Variants in ATPAF1 observed in about 807,000 individuals in gnomAD.
ATPAF1 encodes ATP synthase mitochondrial F1 complex assembly factor 1, also known as homolog of yeast ATP11.
A neutral mutation model predicts 43.9 loss-of-function variants in ATPAF1; 26 were observed. That is an observed-to-expected ratio of 0.59 (90% CI 0.43 to 0.82). The LOEUF (loss-of-function observed/expected upper bound fraction) is 0.82. Among genes scored for constraint, ATPAF1 ranks in the 40% least tolerant of loss-of-function variants. The pLI is 0.00. For missense variants in ATPAF1, 366 were observed against 435.0 expected (o/e 0.84, Z 1.41); for synonymous variants, 157 against 168.0 (o/e 0.93, Z 0.50).
chr1:46,657,743 A>G (rs1254892692), intron 4 of ATPAF1, among the ~76,000 whole-genome samples: 2 of 152,166 alleles, frequency 1.3e-5, no homozygotes, highest in Admixed American at 6.5e-5. Context: ...TTAAACCAAT[A>G]CACTATACTT....
chr1:46,646,003 C>T (rs1483302251), intron 6 of ATPAF1, among the ~76,000 whole-genome samples: 1 of 151,862 alleles, frequency 6.6e-6, no homozygotes, highest in Non-Finnish European at 1.5e-5. Flanking sequence ...AGTGAGACCC[C>T]GTCACTACAA....
intron 2 of ATPAF1, chr1:46,663,999 AAG>A: frequency 1.1e-6 from 1 of 899,178 alleles, no homozygotes. Flanking sequence ...TAAAAGATGA[AAG>A]AGAATAAAAA....
intron 1 of ATPAF1, among the ~76,000 whole-genome samples, chr1:46,667,458 G>A (rs1676510158): frequency 6.6e-6 from 1 of 152,184 alleles, no homozygotes; most frequent in African/African-American, 2.4e-5. Flanking sequence ...GAAGCTAAGA[G>A]GTGGTGTTAG....
intron 8 of ATPAF1, among the ~76,000 whole-genome samples, chr1:46,641,137 G>C (rs1675942311): frequency 6.6e-6 from 1 of 152,020 alleles, no homozygotes; most frequent in Non-Finnish European, 1.5e-5. Flanking sequence ...GAGTGCAATG[G>C]TGCAATCTCA....
At chr1:46,635,728 G>T in exon 9 of ATPAF1, 1 of 1,550,182 alleles carries the variant, frequency 6.5e-7, no homozygotes, top group South Asian at 1.2e-5. Context: ...GTGGGCTCTA[G>T]ACTATCGAGG....
At chr1:46,658,489 A>G (rs889290580) in intron 3 of ATPAF1, among the ~76,000 whole-genome samples, 198 bp downstream of exon 3, 1 of 151,612 alleles carries the variant, frequency 6.6e-6, no homozygotes, top group African/African-American at 2.4e-5. Flanking sequence ...TTTGGTTGTT[A>G]TTTTTAATTA....
intron 8 of ATPAF1, among the ~76,000 whole-genome samples, chr1:46,639,863 T>C (rs1020531372): frequency 6.6e-6 from 1 of 152,178 alleles, no homozygotes; most frequent in African/African-American, 2.4e-5. Context: ...ATTTTAACAA[T>C]GATGAGAACT....
intron 6 of ATPAF1, 64 bp downstream of exon 6, chr1:46,652,516 TG>T (rs1005635258): frequency 1.1e-5 from 17 of 1,506,504 alleles, no homozygotes; most frequent in Non-Finnish European, 1.6e-5. Context: ...TATGACGTGA[TG>T]GGCTGGAAAA....
chr1:46,633,518 A>G, downstream of ATPAF1: 1 of 350,038 alleles, frequency 2.9e-6, no homozygotes, highest in Admixed American at 4.3e-5. Context: ...ACTTAACTCT[A>G]AAGCCTGTCC....
chr1:46,647,428 A>C (rs1161042312), intron 6 of ATPAF1, among the ~76,000 whole-genome samples: 2 of 152,164 alleles, frequency 1.3e-5, no homozygotes, highest in Non-Finnish European at 2.9e-5. Flanking sequence ...TTCACAGAAC[A>C]CCATGTTGTT....
At chr1:46,638,658 C>T (rs541983598) in intron 8 of ATPAF1, among the ~76,000 whole-genome samples, 105 of 151,374 alleles carry the variant, frequency 6.9e-4, no homozygotes, top group Middle Eastern at 3.4e-3. Flanking sequence ...ACCACTAGTA[C>T]AGTGAGTAGG....
intron 6 of ATPAF1, among the ~76,000 whole-genome samples, chr1:46,646,328 C>T (rs1676045057): frequency 6.6e-6 from 1 of 152,182 alleles, no homozygotes; most frequent in South Asian, 2.1e-4. Context: ...AGAAGTTTAT[C>T]ACTATTTATC....
intron 8 of ATPAF1, among the ~76,000 whole-genome samples, chr1:46,642,277 T>C (rs1044791828): frequency 6.6e-6 from 1 of 152,194 alleles, no homozygotes; most frequent in African/African-American, 2.4e-5. Flanking sequence ...AGCTGAGTGA[T>C]ATCACTTCTT....
At chr1:46,658,559 C>A in intron 3 of ATPAF1, 128 bp downstream of exon 3, 2 of 664,180 alleles carry the variant, frequency 3.0e-6, no homozygotes, top group Non-Finnish European at 2.5e-6. Flanking sequence ...TTTCTCACTT[C>A]TACAGCTGGA....
chr1:46,658,481 T>C (rs528773019), intron 3 of ATPAF1, among the ~76,000 whole-genome samples: 59 of 152,096 alleles, frequency 3.9e-4, no homozygotes, highest in African/African-American at 1.4e-3. Context: ...GGAGAAAGTT[T>C]GGTTGTTATT....
intron 7 of ATPAF1, among the ~76,000 whole-genome samples, chr1:46,644,678 T>C (rs1569600752): frequency 6.6e-6 from 1 of 152,066 alleles, no homozygotes; most frequent in East Asian, 1.9e-4. Context: ...TTAAATATAA[T>C]ATTTAAAAGT....
rs199787087 is a variant in ATPAF1, at chr1:46,645,365, TA to T, written c.589-110del. On this transcript the variant is annotated intron_variant, in intron 6 of 8. Transcript: ENST00000574428. ...TTTCCTCCATATTTGGTTTTTAAAATATTTTTTTATTTTTTTGAGACAGGTT... is the reference window on the plus strand; with the variant it reads ...TTTCCTCCATATTTGGTTTTTAAAATTTTTTTTATTTTTTTGAGACAGGTT... 1,921 of 863,012 alleles carry T rather than the reference TA, an allele frequency of 2.2e-3. 19 individuals carry two copies. In the African/African-American group the frequency reaches 0.028, roughly 12 times the overall value. The allele number at this position is 863,012 out of a possible 1,614,324, so 53.5% of individuals were successfully genotyped here. A position where few individuals can be genotyped will look rare whatever the true frequency, so the allele number is the denominator to read the frequency against.
At chr1:46,635,765 C>A (rs749708465) in exon 9 of ATPAF1, 1 of 1,608,924 alleles carries the variant, frequency 6.2e-7, no homozygotes, top group African/African-American at 1.3e-5. Context: ...GAAGGGCCAA[C>A]CTGTACAGTT....
chr1:46,641,502 A>G (rs1675949841), intron 8 of ATPAF1, among the ~76,000 whole-genome samples: 1 of 152,176 alleles, frequency 6.6e-6, no homozygotes, highest in Non-Finnish European at 1.5e-5. Context: ...CTTTATAGAA[A>G]TGCCCCTTGA....
Sources: gnomAD v4.1 joint callset for allele counts (sites outside exome capture counted in the v4.1 genomes callset) on GRCh38, gnomAD v4.1.1 for gene constraint, MANE v1.5 for transcripts, NCBI Gene and HGNC (gene_info 2026-07-23, HGNC 2026-07-21) for gene names.